Variants in GAB1 observed in about 807,000 individuals in gnomAD.
GAB1 encodes GRB2 associated binding protein 1.
In GAB1, 19 loss-of-function variants were observed where a neutral mutation model predicts 66.5. That is an observed-to-expected ratio of 0.29 (90% CI 0.20 to 0.42). The LOEUF (loss-of-function observed/expected upper bound fraction) is 0.42. Ranked by LOEUF, GAB1 falls within the 10% of genes least tolerant of loss-of-function variation. The pLI is 1.00. For synonymous variants in GAB1, 294 were observed against 301.4 expected (o/e 0.98, Z 0.25); for missense variants, 732 against 858.5 (o/e 0.85, Z 1.84).
At chr4:143,355,395 G>A (rs969887276) in intron 1 of GAB1, among the ~76,000 whole-genome samples, 1 of 151,334 alleles carries the variant, frequency 6.6e-6, no homozygotes, top group Non-Finnish European at 1.5e-5. Context: ...CCCAATTGCT[G>A]CCTTTTTAAT....
chr4:143,349,261 C>G lies in GAB1; in HGVS notation c.72+12001C>G, dbSNP rs562135248. ...TTCACGCTTAATTCACTTTATTTTT[C>G]TTGTATAAAAACCCTACGTTGTAGC... On this transcript the variant is annotated intron_variant, in intron 1 of 9. Transcript: ENST00000262994. The G allele has an allele frequency of 1.4e-4, 118 of 824,780 alleles. No individual in the cohort carries two copies. In the African/African-American group the frequency reaches 2.0e-3, roughly 14 times the overall value. The allele number at this position is 824,780 out of a possible 1,614,324, so 51.1% of individuals were successfully genotyped here.
chr4:143,355,729 C>T (rs970319517), intron 1 of GAB1, among the ~76,000 whole-genome samples: 1 of 152,158 alleles, frequency 6.6e-6, no homozygotes, highest in Non-Finnish European at 1.5e-5. Flanking sequence ...TCCCACACCC[C>T]TTTCTTCCCC....
intron 6 of GAB1, among the ~76,000 whole-genome samples, chr4:143,455,527 T>C (rs1192753151): frequency 6.6e-6 from 1 of 152,142 alleles, no homozygotes; most frequent in African/African-American, 2.4e-5. Flanking sequence ...GGAGAGCTAA[T>C]GAAAACGGAT....
intron 1 of GAB1, among the ~76,000 whole-genome samples, chr4:143,384,556 A>G (rs1305506633): frequency 6.6e-6 from 1 of 152,184 alleles, no homozygotes; most frequent in East Asian, 1.9e-4. Flanking sequence ...GATGGTCCTC[A>G]TGATCGATGC....
chr4:143,348,497 C>T (rs1031526484), intron 1 of GAB1, among the ~76,000 whole-genome samples: 1 of 152,204 alleles, frequency 6.6e-6, no homozygotes, highest in Non-Finnish European at 1.5e-5. Flanking sequence ...GTCGGTTTTA[C>T]CTTCCAAGTA....
intron 1 of GAB1, among the ~76,000 whole-genome samples, chr4:143,351,559 C>T (rs1729225191): frequency 6.6e-6 from 1 of 152,144 alleles, no homozygotes; most frequent in Admixed American, 6.5e-5. Context: ...GAAAGGTGAC[C>T]TTTCGGCGGC....
At chr4:143,345,905 T>C (rs1728970848) in intron 1 of GAB1, among the ~76,000 whole-genome samples, 1 of 152,244 alleles carries the variant, frequency 6.6e-6, no homozygotes, top group Non-Finnish European at 1.5e-5. Context: ...TTGTTTTAAA[T>C]AGAAAATAGA....
At chr4:143,396,741 G>A (rs1033425224) in intron 1 of GAB1, among the ~76,000 whole-genome samples, 1 of 152,178 alleles carries the variant, frequency 6.6e-6, no homozygotes, top group African/African-American at 2.4e-5. Context: ...GGTATTATGG[G>A]CTGGTTTACA....
chr4:143,351,929 A>G (rs997057379), intron 1 of GAB1, among the ~76,000 whole-genome samples: 2 of 152,156 alleles, frequency 1.3e-5, no homozygotes, highest in Non-Finnish European at 2.9e-5. Flanking sequence ...ATATTTCCCT[A>G]TGTTGCCAGT....
At chr4:143,404,890 T>C (rs547810571) in intron 1 of GAB1, among the ~76,000 whole-genome samples, 3 of 152,372 alleles carry the variant, frequency 2.0e-5, no homozygotes, top group Admixed American at 2.0e-4. Flanking sequence ...TGTTGGCTAA[T>C]GGATCCTGTG....
chr4:143,347,861 G>T (rs1256905694), intron 1 of GAB1, among the ~76,000 whole-genome samples: 1 of 152,202 alleles, frequency 6.6e-6, no homozygotes, highest in Non-Finnish European at 1.5e-5. Flanking sequence ...TCTGATTTCT[G>T]TTTCTCCTTT....
intron 1 of GAB1, among the ~76,000 whole-genome samples, chr4:143,359,568 T>C (rs577773154): frequency 4.3e-4 from 66 of 152,346 alleles, no homozygotes; most frequent in Admixed American, 1.8e-3. Flanking sequence ...TGCTCTTCAG[T>C]GTTTAACATT....
Position 143,471,502 on chromosome 4 carries a change from AT to A in GAB1, c.*2317del, listed in dbSNP as rs1736080719. On this transcript the variant is annotated 3_prime_UTR_variant, in exon 10 of 10. Transcript: ENST00000262994. ...AACTCAATTTTATCAATATAAATGT[AT>A]TTTGGGTTCACATTTATGCTTATTC... 1 of 152,162 alleles carries A rather than the reference AT, an allele frequency of 6.6e-6. No individual in the cohort carries two copies. Among genetic ancestry groups the A allele is most frequent in the Non-Finnish European group, 1.5e-5 (1 of 68,014 alleles). The allele number at this position is 152,162 out of a possible 1,614,324, so 9.4% of individuals were successfully genotyped here.
At chr4:143,403,683 A>AG (rs372563534) in intron 1 of GAB1, among the ~76,000 whole-genome samples, 103 of 152,342 alleles carry the variant, frequency 6.8e-4, no homozygotes, top group African/African-American at 2.4e-3. Context: ...TTTGCATCAG[A>AG]GATCTTGATT....
chr4:143,444,182 G>T (rs1483130926), intron 6 of GAB1, among the ~76,000 whole-genome samples: 3 of 152,086 alleles, frequency 2.0e-5, no homozygotes, highest in African/African-American at 7.2e-5. Context: ...TTCTCTTTAT[G>T]TCATGACATA....
At chr4:143,339,937 T>A (rs141667730) in intron 1 of GAB1, among the ~76,000 whole-genome samples, 1 of 152,164 alleles carries the variant, frequency 6.6e-6, no homozygotes, top group African/African-American at 2.4e-5. Flanking sequence ...ACGAATAAAG[T>A]AGATGGAGAT....
intron 8 of GAB1, among the ~76,000 whole-genome samples, chr4:143,464,769 C>T (rs995796329): frequency 6.6e-6 from 1 of 152,146 alleles, no homozygotes; most frequent in African/African-American, 2.4e-5. Flanking sequence ...CAAAAAGGTT[C>T]CATACCAGCT....
intron 1 of GAB1, among the ~76,000 whole-genome samples, chr4:143,356,490 G>A (rs1729452496): frequency 6.6e-6 from 1 of 152,168 alleles, no homozygotes; most frequent in Non-Finnish European, 1.5e-5. Flanking sequence ...AGAGGAATAT[G>A]GGAGTGGGAG....
At chr4:143,455,650 G>A (rs1202429445) in intron 6 of GAB1, among the ~76,000 whole-genome samples, 1 of 152,200 alleles carries the variant, frequency 6.6e-6, no homozygotes, top group Non-Finnish European at 1.5e-5. Context: ...TCAGCTCTCT[G>A]TGGCATTCAC....
Sources: gnomAD v4.1 joint callset for allele counts (sites outside exome capture counted in the v4.1 genomes callset) on GRCh38, gnomAD v4.1.1 for gene constraint, MANE v1.5 for transcripts, NCBI Gene and HGNC (gene_info 2026-07-23, HGNC 2026-07-21) for gene names.